FKBP5: variants seen among roughly 807,000 people sequenced by gnomAD.
FKBP5 encodes peptidyl-prolyl cis-trans isomerase FKBP5.
FKBP5 carries 23 observed loss-of-function variants against 50.5 expected under a neutral mutation model. That is an observed-to-expected ratio of 0.46 (90% CI 0.33 to 0.65). The LOEUF is 0.65. Ranked by LOEUF, FKBP5 falls within the 30% of genes least tolerant of loss-of-function variation. FKBP5 has a pLI of 0.02. For synonymous variants in FKBP5, 176 were observed against 190.6 expected (o/e 0.92, Z 0.63); for missense variants, 411 against 553.1 (o/e 0.74, Z 2.58).
intron 2 of FKBP5, among the ~76,000 whole-genome samples, chr6:35,641,248 G>A (rs1764479749): frequency 6.6e-6 from 1 of 152,216 alleles, no homozygotes; most frequent in Non-Finnish European, 1.5e-5. Flanking sequence ...CTCCCAGGGT[G>A]CTGGGATTAC....
At chr6:35,707,216 T>A (rs1288387147) in intron 2 of FKBP5, among the ~76,000 whole-genome samples, 1 of 11,912 alleles carries the variant, frequency 8.4e-5, no homozygotes, top group Non-Finnish European at 1.5e-4. Context: ...ATGAGAAGAC[T>A]TTTTTTTTTT....
At chr6:35,719,555 A>G (rs1766569057) in intron 2 of FKBP5, among the ~76,000 whole-genome samples, 1 of 152,234 alleles carries the variant, frequency 6.6e-6, no homozygotes, top group African/African-American at 2.4e-5. Context: ...GCTCAGTTTA[A>G]TGAATTATTT....
intron 8 of FKBP5, chr6:35,583,179 G>T (rs1762493474): frequency 8.1e-6 from 8 of 985,284 alleles, no homozygotes; most frequent in Non-Finnish European, 8.4e-6. Flanking sequence ...ACTGAGATGA[G>T]ATAGGAAGGA....
chr6:35,596,981 C>A (rs1337315387), intron 6 of FKBP5, among the ~76,000 whole-genome samples: 1 of 152,116 alleles, frequency 6.6e-6, no homozygotes, highest in Non-Finnish European at 1.5e-5. Flanking sequence ...CCTGTCTTGG[C>A]AATACTGCAG....
intron 8 of FKBP5, chr6:35,583,789 G>C (rs1762517990): frequency 1.0e-6 from 1 of 985,264 alleles, no homozygotes; most frequent in East Asian, 1.1e-4. Flanking sequence ...AGAGATGAAA[G>C]ACAGGGTGGA....
At chr6:35,691,457 T>C (rs925664745), upstream of FKBP5, among the ~76,000 whole-genome samples, 43 of 152,272 alleles carry the variant, frequency 2.8e-4, no homozygotes, top group African/African-American at 8.2e-4. Flanking sequence ...TGTGTGGACG[T>C]GTCACATGTC....
Position 35,580,043 on chromosome 6 carries a change from C to CA in FKBP5, c.1018dup (p.Cys340LeufsTer2). The CA allele has an allele frequency of 6.2e-7, 1 of 1,613,496 alleles. No individual in the cohort carries two copies. The highest frequency in any genetic ancestry group is 1.3e-5 in the African/African-American group (1 of 75,034). ...CAGGAGACACGATGTTACCTTGTCA[C>CA]AGCATTCAACAGCTTTGGTGTATTC... On this transcript the variant is annotated frameshift_variant, in exon 9 of 11. Transcript: ENST00000357266. LOFTEE classifies it high-confidence loss of function.
chr6:35,597,145 T>C (rs929300883), intron 6 of FKBP5, 103 bp downstream of exon 6: 1 of 1,239,390 alleles, frequency 8.1e-7, no homozygotes, highest in Admixed American at 2.1e-5. Context: ...GTTTCCGTTG[T>C]TGGATTAACT....
At chr6:35,671,090 C>T (rs1288130768) in intron 1 of FKBP5, among the ~76,000 whole-genome samples, 1 of 151,738 alleles carries the variant, frequency 6.6e-6, no homozygotes, top group Non-Finnish European at 1.5e-5. Flanking sequence ...AAAACCAAAC[C>T]CTGTCTCCAC....
At chr6:35,656,293 G>C (rs1764945824) in intron 1 of FKBP5, among the ~76,000 whole-genome samples, 1 of 152,170 alleles carries the variant, frequency 6.6e-6, no homozygotes, top group South Asian at 2.1e-4. Flanking sequence ...ACTAGCTGTG[G>C]AATCTCTGGC....
chr6:35,598,863 T>C (rs1275888372), intron 5 of FKBP5, among the ~76,000 whole-genome samples: 2 of 151,958 alleles, frequency 1.3e-5, no homozygotes, highest in Non-Finnish European at 2.9e-5. Flanking sequence ...CCCAGCTACT[T>C]GGGCTGAGGC....
intron 1 of FKBP5, among the ~76,000 whole-genome samples, chr6:35,687,272 T>C (rs958549575): frequency 2.6e-5 from 4 of 152,190 alleles, no homozygotes; most frequent in African/African-American, 9.7e-5. Flanking sequence ...GTTTTAAAAA[T>C]GTCATTTGTA....
intron 2 of FKBP5, among the ~76,000 whole-genome samples, chr6:35,714,322 T>A (rs1033361725): frequency 3.0e-5 from 1 of 33,676 alleles, no homozygotes; most frequent in Non-Finnish European, 6.0e-5. Context: ...CGTGGTGGCA[T>A]GTGCCTGTAA....
intron 1 of FKBP5, among the ~76,000 whole-genome samples, chr6:35,643,131 A>C (rs1167893674): frequency 1.3e-5 from 2 of 152,212 alleles, no homozygotes; most frequent in South Asian, 2.1e-4. Context: ...ACATGGTGAG[A>C]AGCAGTCCCT....
At chr6:35,612,754 C>G (rs576889968) in intron 5 of FKBP5, among the ~76,000 whole-genome samples, 2 of 152,192 alleles carry the variant, frequency 1.3e-5, no homozygotes, top group Admixed American at 6.5e-5. Context: ...CATCAGATCT[C>G]GTGACAACTC....
At chr6:35,632,646 T>C (rs1016833583) in intron 3 of FKBP5, among the ~76,000 whole-genome samples, 3 of 151,794 alleles carry the variant, frequency 2.0e-5, no homozygotes, top group Admixed American at 6.6e-5. Context: ...TCCCAGCACG[T>C]TGGGAGGCCA....
At chr6:35,583,951 C>T in intron 8 of FKBP5, 1 of 985,276 alleles carries the variant, frequency 1.0e-6, no homozygotes, top group Non-Finnish European at 1.2e-6. Flanking sequence ...AACAATTCTC[C>T]TCAACTAGTT....
chr6:35,598,823 T>C (rs1001791258), intron 5 of FKBP5, among the ~76,000 whole-genome samples: 4 of 151,758 alleles, frequency 2.6e-5, no homozygotes, highest in African/African-American at 7.3e-5. Context: ...ATACAAAAAA[T>C]AGCCAGGTGT....
At chr6:35,624,070 G>A (rs920656228) in intron 3 of FKBP5, among the ~76,000 whole-genome samples, 31 of 152,078 alleles carry the variant, frequency 2.0e-4, no homozygotes, top group Non-Finnish European at 2.1e-4. Context: ...CCTGGCTCAA[G>A]TGATCCTCCC....
Sources: gnomAD v4.1 joint callset for allele counts (sites outside exome capture counted in the v4.1 genomes callset) on GRCh38, gnomAD v4.1.1 for gene constraint, MANE v1.5 for transcripts, NCBI Gene and HGNC (gene_info 2026-07-23, HGNC 2026-07-21) for gene names.